The following CDH19 variants were observed in gnomAD, a reference collection of about 807,000 sequenced individuals.
The protein encoded by CDH19 is cadherin-19.
A neutral mutation model predicts 64.2 loss-of-function variants in CDH19; 67 were observed. The observed-to-expected ratio is 1.04, with a 90% CI of 0.86 to 1.28. The LOEUF is 1.28. CDH19 is among the 50% of genes most tolerant of loss of function. The pLI, the probability that CDH19 is intolerant of heterozygous loss-of-function variation, is 0.00. For synonymous variants in CDH19, 346 were observed against 319.3 expected (o/e 1.08, Z -0.89); for missense variants, 1,030 against 929.0 (o/e 1.11, Z -1.41).
chr18:66,560,716 T>C (rs1329783793), intron 3 of CDH19, among the ~76,000 whole-genome samples: 1 of 152,064 alleles, frequency 6.6e-6, no homozygotes, highest in East Asian at 1.9e-4. Flanking sequence ...TTGTTCTTAC[T>C]CTACTGAAGA....
chr18:66,599,707 T>C lies in CDH19; in HGVS notation c.-113+4247A>G, dbSNP rs192525798. 4.4e-3 allele frequency among the ~76,000 whole-genome samples: 666 copies of C among 152,138 alleles called. 8 individuals are homozygous for C. The highest frequency in any genetic ancestry group is 5.2e-3 in the Non-Finnish European group (354 of 67,926). On this transcript the variant is annotated intron_variant, in intron 1 of 11. Transcript: ENST00000262150. ...TTGTCAATTTTCAATAAAAAATAAATATTGAAAACATCCTATAAACAGATT... is the reference window on the plus strand; with the variant it reads ...TTGTCAATTTTCAATAAAAAATAAACATTGAAAACATCCTATAAACAGATT...
rs536822063 is a variant in CDH19 at position 66,559,903 on chromosome 18, T to C, written c.491-5379A>G. Among the ~76,000 whole-genome samples, 14 of 152,152 alleles carry C rather than the reference T, an allele frequency of 9.2e-5. No individual in the cohort carries two copies. The South Asian group carries it at 2.9e-3, about 32-fold the overall frequency. ...ATAAAAAAATACACAGCTTAAAAGC[T>C]AGCTCAATCAAAATCCTAGTGGACT... On this transcript the variant is annotated intron_variant, in intron 3 of 11. Coordinates refer to ENST00000262150, the MANE Select transcript of CDH19 (RefSeq NM_021153.4).
chr18:66,558,266 C>G (rs1332125840), intron 3 of CDH19, among the ~76,000 whole-genome samples: 1 of 150,470 alleles, frequency 6.6e-6, no homozygotes, highest in Non-Finnish European at 1.5e-5. Flanking sequence ...TTATTCATGC[C>G]TTGGAAATGT....
chr18:66,521,132 A>C (rs945104566), intron 9 of CDH19, among the ~76,000 whole-genome samples: 1 of 152,124 alleles, frequency 6.6e-6, no homozygotes, highest in Admixed American at 6.5e-5. Context: ...CAGTTTACTA[A>C]AAATGTTCAC....
chr18:66,544,664 T>C (rs993456268), intron 6 of CDH19, 55 bp downstream of exon 6: 5 of 1,200,138 alleles, frequency 4.2e-6, no homozygotes, highest in Non-Finnish European at 5.8e-6. Flanking sequence ...ACACAAAATA[T>C]GTTATGTTTT....
chr18:66,535,230 C>G lies in CDH19; in HGVS notation c.1215-123G>C, dbSNP rs1273041942. On this transcript the variant is annotated intron_variant, in intron 7 of 11. Transcript: ENST00000262150. ...TGCTCTACATAGCCAATATATAATA[C>G]CGAACAACTTTTAAAACAGTATATT... 6.6e-6 allele frequency: 3 copies of G among 457,042 alleles called. No individual in the cohort carries two copies. The East Asian group carries it at 1.1e-4, about 16-fold the overall frequency. The allele number at this position is 457,042 out of a possible 1,614,324, so 28.3% of individuals were successfully genotyped here.
Position 66,504,526 on chromosome 18 carries a change from A to T in CDH19, c.*286T>A, listed in dbSNP as rs980794668. ...ATATAATCGCATAAGGATCGACTACATCTTGTGTCCTCTCATCTACTTTTA... is the reference window on the plus strand; with the variant it reads ...ATATAATCGCATAAGGATCGACTACTTCTTGTGTCCTCTCATCTACTTTTA... On this transcript the variant is annotated 3_prime_UTR_variant, in exon 12 of 12. Coordinates refer to ENST00000262150, the MANE Select transcript of CDH19 (RefSeq NM_021153.4). 1 of 297,530 alleles carries T rather than the reference A, an allele frequency of 3.4e-6. No individual in the cohort carries two copies. Among genetic ancestry groups the T allele is most frequent in the Non-Finnish European group, 6.2e-6 (1 of 160,150 alleles). The allele number at this position is 297,530 out of a possible 1,614,324, so 18.4% of individuals were successfully genotyped here.
intron 3 of CDH19, among the ~76,000 whole-genome samples, chr18:66,565,385 A>T (rs1374262499): frequency 1.3e-5 from 2 of 152,006 alleles, no homozygotes; most frequent in African/African-American, 4.8e-5. Context: ...TTCAAACCAA[A>T]TTCTGAGTTC....
At chr18:66,588,605 C>CATATATCTAT (rs1988644676) in intron 1 of CDH19, among the ~76,000 whole-genome samples, 1 of 116,736 alleles carries the variant, frequency 8.6e-6, no homozygotes, top group Non-Finnish European at 2.1e-5. Context: ...TTTTACTAAT[C>CATATATCTAT]ATATATATCT....
chr18:66,590,051 T>C (rs1031251527), intron 1 of CDH19, among the ~76,000 whole-genome samples: 2 of 151,944 alleles, frequency 1.3e-5, no homozygotes, highest in African/African-American at 4.8e-5. Flanking sequence ...TAAATAAATA[T>C]GTAGACAAAT....
chr18:66,590,894 G>T (rs1183700996), intron 1 of CDH19, among the ~76,000 whole-genome samples: 1 of 151,874 alleles, frequency 6.6e-6, no homozygotes, highest in South Asian at 2.1e-4. Flanking sequence ...GGATTTTGCG[G>T]GTCTGTATCT....
intron 3 of CDH19, among the ~76,000 whole-genome samples, chr18:66,562,356 A>G (rs1987753940): frequency 6.6e-6 from 1 of 151,834 alleles, no homozygotes; most frequent in South Asian, 2.1e-4. Context: ...TTCATAAGGA[A>G]CATGCAACCT....
At chr18:66,569,806 G>C (rs1395365302) in intron 2 of CDH19, among the ~76,000 whole-genome samples, 2 of 151,624 alleles carry the variant, frequency 1.3e-5, no homozygotes, top group Admixed American at 1.3e-4. Flanking sequence ...TTCACAGTAA[G>C]AGTTCCTCTG....
chr18:66,569,490 T>C (rs902861583), intron 2 of CDH19, among the ~76,000 whole-genome samples: 3 of 151,660 alleles, frequency 2.0e-5, no homozygotes, highest in Non-Finnish European at 4.4e-5. Flanking sequence ...CCTTGGGTTT[T>C]AGCCATAAAG....
rs1989102081 is a variant in CDH19, at chr18:66,604,058, T to C, written c.-217A>G. The C allele has an allele frequency of 1.3e-5, 2 of 152,128 alleles. No individual in the cohort carries two copies. Among genetic ancestry groups the C allele is most frequent in the African/African-American group, 4.8e-5 (2 of 41,432 alleles). The allele number at this position is 152,128 out of a possible 1,614,324, so 9.4% of individuals were successfully genotyped here. A position where few individuals can be genotyped will look rare whatever the true frequency, so the allele number is the denominator to read the frequency against. On this transcript the variant is annotated 5_prime_UTR_variant, in exon 1 of 12. Coordinates refer to ENST00000262150, the MANE Select transcript of CDH19 (RefSeq NM_021153.4). ...AAACTTTCTTCTTTTTGCTTCACAGTCTTCTCAGCAAACTCTCGATGTGCC... is the reference window on the plus strand; with the variant it reads ...AAACTTTCTTCTTTTTGCTTCACAGCCTTCTCAGCAAACTCTCGATGTGCC...
At position 66,597,060 on chromosome 18, in the gene CDH19, C is replaced by T. The variant is rs12457738; in HGVS notation, c.-113+6894G>A. On this transcript the variant is annotated intron_variant, in intron 1 of 11. Transcript: ENST00000262150. ...TCCCGCCACTGCACTCCAGCCTGGG[C>T]GACAGAGCGAGACTCCATCTCAAAA... Among the ~76,000 whole-genome samples the T allele has an allele frequency of 9.7e-3, 1,026 of 105,808 alleles. 7 individuals carry two copies. The highest frequency in any genetic ancestry group is 0.014 in the Non-Finnish European group (778 of 55,880). 69.4% of individuals were successfully genotyped at this position (105,808 alleles called of 152,430 possible). A position where few individuals can be genotyped will look rare whatever the true frequency, so the allele number is the denominator to read the frequency against.
chr18:66,511,430 T>C, intron 10 of CDH19, 138 bp downstream of exon 10: 2 of 536,006 alleles, frequency 3.7e-6, no homozygotes. Context: ...TTTTCCATTT[T>C]AATTGTTACT....
chr18:66,537,831 G>T (rs1157730886), intron 7 of CDH19, among the ~76,000 whole-genome samples: 2 of 151,952 alleles, frequency 1.3e-5, no homozygotes, highest in African/African-American at 2.4e-5. Flanking sequence ...CCTTTGAGCA[G>T]ACATCAGCAG....
intron 3 of CDH19, among the ~76,000 whole-genome samples, chr18:66,567,895 TAAC>T (rs905699217): frequency 6.6e-6 from 1 of 151,798 alleles, no homozygotes; most frequent in Non-Finnish European, 1.5e-5. Flanking sequence ...TTTAAAATAT[TAAC>T]AACAACAACA....
Sources: gnomAD v4.1 joint callset for allele counts (sites outside exome capture counted in the v4.1 genomes callset) on GRCh38, gnomAD v4.1.1 for gene constraint, MANE v1.5 for transcripts, NCBI Gene and HGNC (gene_info 2026-07-23, HGNC 2026-07-21) for gene names.